RASGEF1A: variants seen among roughly 807,000 people sequenced by gnomAD.
The protein encoded by RASGEF1A is ras-GEF domain-containing family member 1A.
RASGEF1A carries 18 observed loss-of-function variants against 56.4 expected under a neutral mutation model. The observed-to-expected ratio is 0.32, with a 90% CI of 0.22 to 0.47. The LOEUF is 0.47. Among genes scored for constraint, RASGEF1A ranks in the 20% least tolerant of loss-of-function variants. The pLI, the probability that RASGEF1A is intolerant of heterozygous loss-of-function variation, is 1.00. For missense variants in RASGEF1A, 422 were observed against 627.1 expected, an observed-to-expected ratio of 0.67 and a Z score of 3.49; for synonymous variants, 245 against 242.6, an observed-to-expected ratio of 1.01 and a Z score of -0.09.
chr10:43,245,883 T>C (rs1379308566), intron 1 of RASGEF1A, among the ~76,000 whole-genome samples: 1 of 152,180 alleles, frequency 6.6e-6, no homozygotes, highest in Non-Finnish European at 1.5e-5. Flanking sequence ...CCTCTTCTAT[T>C]TAACATTGCT....
chr10:43,196,205 G>A lies in RASGEF1A; in HGVS notation c.*39C>T, dbSNP rs372426488. ...ATCAGTCAAAATTTAAACCCAGTTA[G>A]TGCACGTGCTTCCTCTGGCGTCGCG... is the stretch of plus-strand genomic sequence containing the variant. On this transcript the variant is annotated 3_prime_UTR_variant, in exon 13 of 13. Coordinates refer to ENST00000395810, the MANE Select transcript of RASGEF1A (RefSeq NM_145313.4). This position sits in a 1 kb window ranked among gnomAD's most constrained non-coding sequence, Gnocchi z 4.6. 121 of 1,607,492 alleles carry A rather than the reference G, an allele frequency of 7.5e-5. No homozygotes were observed. The highest frequency in any genetic ancestry group is 9.7e-5 in the Non-Finnish European group (114 of 1,175,494).
At position 43,198,930 on chromosome 10, in the gene RASGEF1A, T is replaced by C. The variant is rs2133178397; in HGVS notation, c.1032+3A>G. 1 of 1,612,418 alleles carries C rather than the reference T, an allele frequency of 6.2e-7. No homozygotes were observed. On this transcript the variant is annotated splice_donor_region_variant and intron_variant, in intron 9 of 12. Transcript: ENST00000395810. ...GCAGCTGTGACGGGGCTCAGGTGCC[T>C]ACCTCCAAGACATCAAACTTGGCTG...
intron 1 of RASGEF1A, chr10:43,208,407 G>T: frequency 1.0e-6 from 1 of 985,626 alleles, no homozygotes; most frequent in Non-Finnish European, 1.2e-6. Flanking sequence ...AGTGCTAGGA[G>T]GCCTGCCTAG....
chr10:43,240,124 G>A (rs939341530), intron 1 of RASGEF1A, among the ~76,000 whole-genome samples: 2 of 152,222 alleles, frequency 1.3e-5, no homozygotes, highest in African/African-American at 4.8e-5. Context: ...GTTATCAGCT[G>A]CTTAGCTGAG....
chr10:43,202,956 G>A (rs1485327609), intron 3 of RASGEF1A, among the ~76,000 whole-genome samples: 2 of 109,336 alleles, frequency 1.8e-5, no homozygotes, highest in Non-Finnish European at 3.7e-5. Flanking sequence ...CCTGCCCCGA[G>A]ACCCCACAGC....
At chr10:43,202,873 C>T (rs543996888) in intron 3 of RASGEF1A, among the ~76,000 whole-genome samples, 14 of 150,108 alleles carry the variant, frequency 9.3e-5, no homozygotes, top group African/African-American at 2.7e-4. Context: ...CCAGGCCACG[C>T]CCCAACCCTA....
At chr10:43,200,480 G>A (rs1377480103) in intron 5 of RASGEF1A, among the ~76,000 whole-genome samples, 187 bp downstream of exon 5, 2 of 152,190 alleles carry the variant, frequency 1.3e-5, no homozygotes, top group Non-Finnish European at 2.9e-5. Context: ...GAGGACGTGA[G>A]TGCCAGGCAC....
rs565423212 is a variant in RASGEF1A, at chr10:43,206,537, A to G, written c.-6-415T>C. On this transcript the variant is annotated intron_variant, in intron 1 of 12. Transcript: ENST00000395810. Reference sequence around the variant, plus strand: ...GAAAGGAACACCCTAGGCATGAGGTACAGTGAGTGCCAAGGTCCTGACCCA... The same window carrying G: ...GAAAGGAACACCCTAGGCATGAGGTGCAGTGAGTGCCAAGGTCCTGACCCA... 2.1e-5 allele frequency: 21 copies of G among 983,768 alleles called. No individual in the cohort carries two copies. The East Asian group carries it at 1.9e-3, about 87-fold the overall frequency. 60.9% of individuals were successfully genotyped at this position (983,768 alleles called of 1,614,324 possible). A position where few individuals can be genotyped will look rare whatever the true frequency, so the allele number is the denominator to read the frequency against.
At chr10:43,248,291 G>C (rs1007325344) in intron 1 of RASGEF1A, among the ~76,000 whole-genome samples, 2 of 150,112 alleles carry the variant, frequency 1.3e-5, no homozygotes, top group African/African-American at 4.9e-5. Flanking sequence ...GGGTGACAGA[G>C]GTTGCAGTGA....
chr10:43,238,181 A>T (rs546868264), intron 1 of RASGEF1A, among the ~76,000 whole-genome samples: 1 of 148,206 alleles, frequency 6.7e-6, no homozygotes, highest in Non-Finnish European at 1.5e-5. Context: ...CAGGAGGGTT[A>T]GCCATGTCGA....
chr10:43,210,022 C>T (rs1360534202), intron 1 of RASGEF1A, among the ~76,000 whole-genome samples: 2 of 152,190 alleles, frequency 1.3e-5, no homozygotes, highest in African/African-American at 2.4e-5. Flanking sequence ...CATGACCTGT[C>T]GATTGTCAAA....
At chr10:43,212,713 G>A (rs1176275516) in intron 1 of RASGEF1A, among the ~76,000 whole-genome samples, 1 of 152,248 alleles carries the variant, frequency 6.6e-6, no homozygotes, top group Non-Finnish European at 1.5e-5. Context: ...CTGGGTGAGG[G>A]ACTGTGGGAA....
At chr10:43,208,508 G>C (rs1266123565) in intron 1 of RASGEF1A, 1 of 985,582 alleles carries the variant, frequency 1.0e-6, no homozygotes, top group African/African-American at 1.7e-5. Flanking sequence ...GGGGCCTGGA[G>C]GAGGAGCATG....
At chr10:43,225,513 G>A (rs1422198673) in intron 1 of RASGEF1A, among the ~76,000 whole-genome samples, 3 of 151,764 alleles carry the variant, frequency 2.0e-5, no homozygotes, top group Non-Finnish European at 2.9e-5. Flanking sequence ...GTCTCTGTGT[G>A]TCTGTGTGTC....
At chr10:43,202,002 G>A (rs1309403839) in intron 3 of RASGEF1A, 57 bp from the exon 4 acceptor site, 3 of 1,499,070 alleles carry the variant, frequency 2.0e-6, no homozygotes, top group East Asian at 4.7e-5. Context: ...GGTACTAGAT[G>A]GCAAATGGTG....
At chr10:43,256,374 A>T (rs1314833331) in intron 1 of RASGEF1A, among the ~76,000 whole-genome samples, 1 of 152,164 alleles carries the variant, frequency 6.6e-6, no homozygotes, top group African/African-American at 2.4e-5. Context: ...ATGTGCTCAG[A>T]GATGGGACAA....
At chr10:43,222,140 A>T (rs1675240007) in intron 1 of RASGEF1A, among the ~76,000 whole-genome samples, 1 of 152,218 alleles carries the variant, frequency 6.6e-6, no homozygotes, top group Non-Finnish European at 1.5e-5. Context: ...TGCACTGAAT[A>T]TACTGGAGGC....
intron 1 of RASGEF1A, among the ~76,000 whole-genome samples, chr10:43,238,262 G>A (rs746022605): frequency 3.3e-5 from 5 of 152,136 alleles, no homozygotes; most frequent in Non-Finnish European, 4.4e-5. Context: ...AGCCGCCGCA[G>A]ATTGAGACCT....
Position 43,242,369 on chromosome 10 carries a change from C to T in RASGEF1A, c.-7+24476G>A, listed in dbSNP as rs186221749. On this transcript the variant is annotated intron_variant, in intron 1 of 12. Transcript: ENST00000395810. ...CAACAGAGTCCCAAAATTCAAGAAG[C>T]AAAAACTGATAGAATTGAAGGAAGA... is the stretch of plus-strand genomic sequence containing the variant. 2.9e-3 allele frequency among the ~76,000 whole-genome samples: 445 copies of T among 152,200 alleles called. 2 individuals carry two copies. The highest frequency in any genetic ancestry group is 9.1e-3 in the African/African-American group (378 of 41,506).
Sources: allele counts gnomAD v4.1 joint callset (sites outside exome capture counted in the v4.1 genomes callset), GRCh38; gene constraint gnomAD v4.1.1; non-coding constraint Gnocchi (gnomAD v3.1); transcripts MANE v1.5; gene names NCBI Gene and HGNC (gene_info 2026-07-23, HGNC 2026-07-21).